IGF2BP2: variants seen among roughly 807,000 people sequenced by gnomAD.
IGF2BP2 encodes insulin-like growth factor 2 mRNA-binding protein 2.
A neutral mutation model predicts 75.8 loss-of-function variants in IGF2BP2; 17 were observed. That is an observed-to-expected ratio of 0.22 (90% CI 0.15 to 0.34). The LOEUF (loss-of-function observed/expected upper bound fraction) is 0.34. Ranked by LOEUF, IGF2BP2 falls within the 10% of genes least tolerant of loss-of-function variation. The pLI, the probability that IGF2BP2 is intolerant of heterozygous loss-of-function variation, is 1.00. For synonymous variants in IGF2BP2, 288 were observed against 295.6 expected, an observed-to-expected ratio of 0.97 and a Z score of 0.26; for missense variants, 516 against 772.4, an observed-to-expected ratio of 0.67 and a Z score of 3.93.
chr3:185,707,669 A>G (rs1246272951), intron 2 of IGF2BP2, among the ~76,000 whole-genome samples: 5 of 152,154 alleles, frequency 3.3e-5, no homozygotes, highest in Non-Finnish European at 7.4e-5. Context: ...AAAAATCTAT[A>G]TAATTATTCC....
intron 2 of IGF2BP2, among the ~76,000 whole-genome samples, chr3:185,807,489 G>A (rs190518167): frequency 7.4e-4 from 113 of 152,292 alleles, no homozygotes; most frequent in African/African-American, 2.6e-3. Context: ...TCCAAAAGAG[G>A]TTAATTATAA....
intron 12 of IGF2BP2, among the ~76,000 whole-genome samples, chr3:185,656,031 T>A (rs1715381762): frequency 6.6e-6 from 1 of 152,244 alleles, no homozygotes; most frequent in Admixed American, 6.5e-5. Flanking sequence ...GAGCCTCACT[T>A]TTCTCTGCTG....
At chr3:185,690,259 T>C (rs2149324260) in intron 5 of IGF2BP2, among the ~76,000 whole-genome samples, 1 of 152,378 alleles carries the variant, frequency 6.6e-6, no homozygotes, top group Non-Finnish European at 1.5e-5. Context: ...CTCATTTTTT[T>C]CTCATTTTAA....
At chr3:185,727,089 G>A (rs1304012339) in intron 2 of IGF2BP2, among the ~76,000 whole-genome samples, 3 of 151,958 alleles carry the variant, frequency 2.0e-5, no homozygotes, top group East Asian at 3.9e-4. Flanking sequence ...GTGGTGGCAG[G>A]CACCTGTAAT....
intron 10 of IGF2BP2, among the ~76,000 whole-genome samples, chr3:185,667,682 T>C (rs1717859351): frequency 6.6e-6 from 1 of 152,242 alleles, no homozygotes; most frequent in African/African-American, 2.4e-5. Flanking sequence ...CCCTTTGACA[T>C]AATAATTCCA....
intron 10 of IGF2BP2, among the ~76,000 whole-genome samples, chr3:185,667,576 C>T (rs1717841427): frequency 6.6e-6 from 1 of 152,106 alleles, no homozygotes; most frequent in South Asian, 2.1e-4. Flanking sequence ...GTCAGAAACT[C>T]CAAAGGAAAA....
Position 185,824,801 on chromosome 3 carries a change from C to A in IGF2BP2, c.160G>T (p.Ala54Ser). The change falls in exon 1 of 16, where the codon GCC becomes TCC. Residue 54 changes from alanine to serine, a missense_variant. Coordinates refer to ENST00000382199, the MANE Select transcript of IGF2BP2 (RefSeq NM_006548.6). Reference sequence around the variant, plus strand: ...TGCTCACCCGAGAGGGTCTCGATGGCGCGGATGGCCCAGTTCTGGTCGGGG... The same window carrying A: ...TGCTCACCCGAGAGGGTCTCGATGGAGCGGATGGCCCAGTTCTGGTCGGGG... ...DYPDQNWAIR[A>S]IETLSGKVEL... 1 of 1,440,270 alleles carries A rather than the reference C, an allele frequency of 6.9e-7. No individual in the cohort carries two copies. The highest frequency in any genetic ancestry group is 9.3e-7 in the Non-Finnish European group (1 of 1,080,206). 89.2% of individuals were successfully genotyped at this position (1,440,270 alleles called of 1,614,324 possible).
At chr3:185,682,664 C>T (rs1210090522) in intron 7 of IGF2BP2, among the ~76,000 whole-genome samples, 1 of 152,022 alleles carries the variant, frequency 6.6e-6, no homozygotes, top group Non-Finnish European at 1.5e-5. Context: ...ATACAAATGG[C>T]CAATAAATAT....
intron 2 of IGF2BP2, among the ~76,000 whole-genome samples, chr3:185,808,118 A>T (rs1295953679): frequency 1.9e-4 from 20 of 107,452 alleles, no homozygotes; most frequent in African/African-American, 6.5e-4. Context: ...CGTTTCTTTT[A>T]AAAAAAAAAA....
At chr3:185,733,681 G>A (rs747748845) in intron 2 of IGF2BP2, among the ~76,000 whole-genome samples, 16 of 152,084 alleles carry the variant, frequency 1.1e-4, no homozygotes, top group East Asian at 1.9e-4. Flanking sequence ...GCTTGAACCC[G>A]GGAGGCGGAG....
intron 12 of IGF2BP2, among the ~76,000 whole-genome samples, chr3:185,652,740 T>C (rs1397649572): frequency 1.3e-5 from 2 of 152,290 alleles, no homozygotes; most frequent in African/African-American, 2.4e-5. Flanking sequence ...TGGAGGCACG[T>C]TGGTTCTAGT....
At chr3:185,715,347 T>C (rs1412072708) in intron 2 of IGF2BP2, among the ~76,000 whole-genome samples, 1 of 152,140 alleles carries the variant, frequency 6.6e-6, no homozygotes, top group East Asian at 1.9e-4. Flanking sequence ...GACTTCCTAT[T>C]TCCTGAGTTA....
intron 2 of IGF2BP2, among the ~76,000 whole-genome samples, chr3:185,764,599 T>C (rs1343393438): frequency 6.6e-6 from 1 of 151,930 alleles, no homozygotes; most frequent in Non-Finnish European, 1.5e-5. Flanking sequence ...AGAAGGGAGG[T>C]TGTTTCACAG....
At chr3:185,667,355 A>T (rs1464718989) in intron 10 of IGF2BP2, among the ~76,000 whole-genome samples, 3 of 152,176 alleles carry the variant, frequency 2.0e-5, no homozygotes, top group Non-Finnish European at 4.4e-5. Flanking sequence ...AAGTGCTTGT[A>T]GTCCCAGTTA....
intron 3 of IGF2BP2, among the ~76,000 whole-genome samples, chr3:185,697,864 C>T (rs1359997387): frequency 1.3e-5 from 2 of 151,974 alleles, no homozygotes; most frequent in African/African-American, 4.8e-5. Context: ...TGCATCGAGT[C>T]CCAGCTACTC....
chr3:185,646,976 G>A (rs1713678121), intron 15 of IGF2BP2, 49 bp downstream of exon 15: 1 of 1,395,572 alleles, frequency 7.2e-7, no homozygotes, highest in Admixed American at 1.7e-5. Flanking sequence ...GCTTAGCAGA[G>A]AATTGAAAAG....
chr3:185,743,262 TA>T (rs1729813609), intron 2 of IGF2BP2, among the ~76,000 whole-genome samples: 1 of 152,010 alleles, frequency 6.6e-6, no homozygotes. Flanking sequence ...GAAAACTTTA[TA>T]TTTTAATTTT....
intron 2 of IGF2BP2, among the ~76,000 whole-genome samples, chr3:185,815,329 T>C (rs1740460684): frequency 6.6e-6 from 1 of 152,232 alleles, no homozygotes; most frequent in Non-Finnish European, 1.5e-5. Flanking sequence ...AAATTTTCTC[T>C]TATTCTAAGT....
At chr3:185,655,561 T>C (rs1481846104) in intron 12 of IGF2BP2, among the ~76,000 whole-genome samples, 1 of 152,200 alleles carries the variant, frequency 6.6e-6, no homozygotes, top group African/African-American at 2.4e-5. Flanking sequence ...TAAAAAACAT[T>C]GTCTGGACCT....
Sources: allele counts gnomAD v4.1 joint callset (sites outside exome capture counted in the v4.1 genomes callset), GRCh38; gene constraint gnomAD v4.1.1; transcripts MANE v1.5; gene names NCBI Gene and HGNC (gene_info 2026-07-23, HGNC 2026-07-21).